EYS: variants seen among roughly 807,000 people sequenced by gnomAD.
EYS encodes protein eyes shut homolog.
EYS carries 250 observed loss-of-function variants against 282.1 expected under a neutral mutation model. The observed-to-expected ratio is 0.89, with a 90% CI of 0.80 to 0.98. The LOEUF (loss-of-function observed/expected upper bound fraction) is 0.98. Among genes scored for constraint, EYS ranks in the 50% least tolerant of loss-of-function variants. The pLI is 0.00. For missense variants in EYS, 4,016 were observed against 3,709.0 expected (o/e 1.08, Z -2.15); for synonymous variants, 1,355 against 1,282.9 (o/e 1.06, Z -1.20).
intron 31 of EYS, among the ~76,000 whole-genome samples, chr6:64,203,248 CAG>C (rs1305681075): frequency 6.6e-6 from 1 of 152,188 alleles, no homozygotes; most frequent in Non-Finnish European, 1.5e-5. Flanking sequence ...CCAATGGACT[CAG>C]TGTCTGAAAG....
intron 8 of EYS, among the ~76,000 whole-genome samples, chr6:65,369,558 T>A (rs948654050): frequency 2.0e-5 from 3 of 151,290 alleles, no homozygotes; most frequent in African/African-American, 7.3e-5. Context: ...TCTCTAACTT[T>A]CATAAAGTTG....
chr6:64,605,044 T>G (rs1288398271), intron 24 of EYS, among the ~76,000 whole-genome samples: 2 of 152,014 alleles, frequency 1.3e-5, no homozygotes, highest in African/African-American at 4.8e-5. Context: ...GGCTTACCAC[T>G]CTTCTTGAAA....
rs1251727532 is a variant in EYS, at chr6:63,852,040, C to T, written c.7228+12146G>A. On this transcript the variant is annotated intron_variant, in intron 36 of 42. Coordinates refer to ENST00000503581, the MANE Select transcript of EYS (RefSeq NM_001142800.2). The stretch of plus-strand genomic sequence containing the variant: ...GGCGTAGTGGCGGGCACCTGTAGTC[C>T]CAGCTACTTGGGAGGCTGAGGCAGG... Among the ~76,000 whole-genome samples, 300 of 150,614 alleles carry T rather than the reference C, an allele frequency of 2.0e-3. 2 individuals carry two copies. Among genetic ancestry groups the T allele is most frequent in the African/African-American group, 7.0e-3 (287 of 41,108 alleles).
chr6:64,793,108 T>C (rs1774242017), intron 22 of EYS, among the ~76,000 whole-genome samples: 1 of 152,176 alleles, frequency 6.6e-6, no homozygotes, highest in East Asian at 1.9e-4. Flanking sequence ...ACTTTAGAAA[T>C]AAAGCCACCT....
intron 35 of EYS, among the ~76,000 whole-genome samples, chr6:63,952,484 T>C (rs1213478073): frequency 3.9e-5 from 6 of 152,164 alleles, no homozygotes; most frequent in Non-Finnish European, 7.3e-5. Context: ...TTACCTTTTT[T>C]TCAAGGGCCT....
chr6:65,384,804 T>C (rs916510272), intron 7 of EYS, among the ~76,000 whole-genome samples: 4 of 121,546 alleles, frequency 3.3e-5, no homozygotes, highest in Admixed American at 8.8e-5. Flanking sequence ...TAGTGAAATA[T>C]GAAGAAAAAA....
intron 26 of EYS, among the ~76,000 whole-genome samples, chr6:64,454,518 T>C (rs1775491059): frequency 6.6e-6 from 1 of 152,162 alleles, no homozygotes; most frequent in African/African-American, 2.4e-5. Flanking sequence ...GTTTGATCTG[T>C]GCAGGTCCAC....
At chr6:64,823,678 G>T (rs912338361) in intron 19 of EYS, among the ~76,000 whole-genome samples, 2 of 151,962 alleles carry the variant, frequency 1.3e-5, no homozygotes, top group African/African-American at 4.8e-5. Context: ...CCGATAGGCA[G>T]ATCTCATTAA....
chr6:64,480,280 C>G (rs1038132229), intron 26 of EYS, among the ~76,000 whole-genome samples: 7 of 151,742 alleles, frequency 4.6e-5, no homozygotes, highest in Admixed American at 4.0e-4. Flanking sequence ...TAGTAAATAT[C>G]AATTCTTTAT....
chr6:63,828,969 C>A (rs946228092), intron 36 of EYS, among the ~76,000 whole-genome samples: 31 of 152,128 alleles, frequency 2.0e-4, no homozygotes, highest in African/African-American at 7.0e-4. Flanking sequence ...CAGCAGTACC[C>A]ACTACAGGGT....
chr6:65,053,462 G>A (rs994344802), intron 13 of EYS, among the ~76,000 whole-genome samples: 1 of 151,672 alleles, frequency 6.6e-6, no homozygotes, highest in Non-Finnish European at 1.5e-5. Flanking sequence ...TGGGGTAAGA[G>A]TCATCTACTT....
intron 18 of EYS, among the ~76,000 whole-genome samples, chr6:64,890,497 C>G (rs902868105): frequency 3.3e-5 from 5 of 152,096 alleles, no homozygotes; most frequent in African/African-American, 4.8e-5. Flanking sequence ...CTTTATTTCT[C>G]AAGCCAGCTG....
intron 31 of EYS, among the ~76,000 whole-genome samples, chr6:64,220,409 G>A (rs1766063299): frequency 6.6e-6 from 1 of 152,074 alleles, no homozygotes; most frequent in Non-Finnish European, 1.5e-5. Context: ...TCCTTCTTGG[G>A]CAGCTGCTTT....
At chr6:64,564,641 G>T (rs1020445835) in intron 26 of EYS, among the ~76,000 whole-genome samples, 1 of 151,904 alleles carries the variant, frequency 6.6e-6, no homozygotes, top group African/African-American at 2.4e-5. Flanking sequence ...TGTTACATAG[G>T]TATACATGTG....
chr6:65,336,683 G>T (rs1770001429), intron 10 of EYS, among the ~76,000 whole-genome samples: 1 of 151,388 alleles, frequency 6.6e-6, no homozygotes, highest in Non-Finnish European at 1.5e-5. Context: ...AGCTTTACTG[G>T]ATTCCTTATT....
chr6:64,259,549 C>T (rs1403164724), intron 30 of EYS, among the ~76,000 whole-genome samples: 1 of 151,786 alleles, frequency 6.6e-6, no homozygotes, highest in Non-Finnish European at 1.5e-5. Flanking sequence ...TCTGAGAGGG[C>T]AGGAGCCTAA....
intron 12 of EYS, among the ~76,000 whole-genome samples, chr6:65,190,546 A>G (rs9453219): frequency 0.024 from 3,680 of 151,640 alleles, 134 homozygotes; most frequent in African/African-American, 0.079. Context: ...TTGCTATCTA[A>G]AAGTGTATAC....
At chr6:64,877,086 A>T (rs989004888) in intron 19 of EYS, among the ~76,000 whole-genome samples, 2 of 152,170 alleles carry the variant, frequency 1.3e-5, no homozygotes, top group African/African-American at 4.8e-5. Flanking sequence ...GATCATTGCA[A>T]TATAGGTTGT....
chr6:63,727,890 C>A (rs1327493895), intron 41 of EYS, among the ~76,000 whole-genome samples: 1 of 147,564 alleles, frequency 6.8e-6, no homozygotes, highest in Non-Finnish European at 1.5e-5. Context: ...GGCACCACTG[C>A]ACTCCAGCTT....
Sources: allele counts gnomAD v4.1 joint callset (sites outside exome capture counted in the v4.1 genomes callset), GRCh38; gene constraint gnomAD v4.1.1; transcripts MANE v1.5; gene names NCBI Gene and HGNC (gene_info 2026-07-23, HGNC 2026-07-21).